The following PPEF1 variants were observed in gnomAD, a reference collection of about 807,000 sequenced individuals.
PPEF1 encodes protein phosphatase with EF-hand domain 1.
Under a neutral mutation model 53.3 loss-of-function variants are expected in PPEF1, and 12 were observed. That is an observed-to-expected ratio of 0.23 (90% CI 0.14 to 0.36). The LOEUF (loss-of-function observed/expected upper bound fraction) is 0.36. Among genes scored for constraint, PPEF1 ranks in the 10% least tolerant of loss-of-function variants. The pLI is 1.00. For missense variants in PPEF1, 334 were observed against 490.4 expected, an observed-to-expected ratio of 0.68 and a Z score of 3.01; for synonymous variants, 165 against 176.7, an observed-to-expected ratio of 0.93 and a Z score of 0.52.
chrX:18,763,596 A>G (rs1018815928), intron 6 of PPEF1, among the ~76,000 whole-genome samples: 1 of 111,075 alleles, frequency 9.0e-6, no homozygotes, highest in African/African-American at 3.3e-5. Flanking sequence ...TAAGCCATAC[A>G]ACCTCCATGA....
At chrX:18,767,900 G>C (rs972589879) in intron 6 of PPEF1, among the ~76,000 whole-genome samples, 1 of 111,395 alleles carries the variant, frequency 9.0e-6, no homozygotes, top group Non-Finnish European at 1.9e-5. Flanking sequence ...CAGATTACAG[G>C]AGGTGCATAA....
intron 6 of PPEF1, among the ~76,000 whole-genome samples, chrX:18,774,300 G>A (rs2045924657): frequency 8.9e-6 from 1 of 111,846 alleles, no homozygotes; most frequent in African/African-American, 3.2e-5. Context: ...TGTTGGTCAG[G>A]CTGGTCTCGA....
At chrX:18,691,712 A>T (rs1929395416) in intron 4 of PPEF1, 1 of 112,347 alleles carries the variant, frequency 8.9e-6, no homozygotes, top group Non-Finnish European at 1.9e-5. Context: ...CAAGATAAAG[A>T]AACAGATTGT....
At chrX:18,709,800 T>C (rs752935544) in intron 1 of PPEF1, among the ~76,000 whole-genome samples, 2 of 112,053 alleles carry the variant, frequency 1.8e-5, no homozygotes, top group Admixed American at 9.5e-5. Flanking sequence ...GCCCGACCTG[T>C]TTCAGCTTTT....
At chrX:18,764,567 C>T (rs1171000575) in intron 6 of PPEF1, among the ~76,000 whole-genome samples, 1 of 111,454 alleles carries the variant, frequency 9.0e-6, no homozygotes, top group Non-Finnish European at 1.9e-5. Context: ...ATTCTACTGG[C>T]CCCACTGGAG....
At chrX:18,775,378 C>T (rs932955751) in intron 6 of PPEF1, among the ~76,000 whole-genome samples, 1 of 109,403 alleles carries the variant, frequency 9.1e-6, no homozygotes. Flanking sequence ...TGCGTGCCAC[C>T]ACGCCTGGCT....
intron 3 of PPEF1, among the ~76,000 whole-genome samples, chrX:18,687,275 G>A (rs1929125373): frequency 9.0e-6 from 1 of 111,060 alleles, no homozygotes; most frequent in East Asian, 2.8e-4. Context: ...AACAAAACGG[G>A]GGTTTTATTA....
intron 9 of PPEF1, among the ~76,000 whole-genome samples, chrX:18,784,571 T>C (rs1157321443): frequency 9.1e-6 from 1 of 109,850 alleles, no homozygotes; most frequent in Non-Finnish European, 1.9e-5. Flanking sequence ...TCCCAGCCCC[T>C]GGCAACCACC....
At chrX:18,764,661 C>T (rs764396099) in intron 6 of PPEF1, among the ~76,000 whole-genome samples, 3 of 111,415 alleles carry the variant, frequency 2.7e-5, no homozygotes, top group African/African-American at 3.3e-5. Flanking sequence ...TTCAGAAGTG[C>T]GGTCCGGCTA....
Position 18,823,991 on chromosome X carries a change from T to A in PPEF1, c.1570T>A (p.Ser524Thr), listed in dbSNP as rs753323772. The change falls in exon 14 of 16, where the codon TCC becomes ACC. Residue 524 changes from serine (S) to threonine (T), a missense_variant. Ser to Thr is a moderately conservative substitution (Grantham distance 58, BLOSUM62 1). Coordinates refer to ENST00000470157, the MANE Select transcript of PPEF1 (RefSeq NM_001377996.1). ...TTTGGGGCTGAACTTACCATGGAGA[T>A]CCCTCAGTTCGAATCTGGTAAACAT... The part of the protein sequence containing the change: ...NILGLNLPWR[S>T]LSSNLVNIDQ... The A allele has an allele frequency of 9.9e-6, 12 of 1,208,030 alleles. No homozygotes were observed. Among genetic ancestry groups the A allele is most frequent in the Non-Finnish European group, 1.3e-5 (12 of 892,360 alleles).
At chrX:18,807,797 C>G (rs1196000277) in intron 12 of PPEF1, among the ~76,000 whole-genome samples, 1 of 109,710 alleles carries the variant, frequency 9.1e-6, no homozygotes, top group Non-Finnish European at 1.9e-5. Flanking sequence ...GTAGCTGGGA[C>G]TACGGGCATG....
intron 1 of PPEF1, among the ~76,000 whole-genome samples, chrX:18,722,942 T>C (rs2044619659): frequency 9.0e-6 from 1 of 111,149 alleles, no homozygotes; most frequent in Non-Finnish European, 1.9e-5. Flanking sequence ...TGCTCTAGGC[T>C]GTTGTGTTCG....
At chrX:18,681,188 A>G (rs1602333199), upstream of PPEF1, among the ~76,000 whole-genome samples, 1 of 112,098 alleles carries the variant, frequency 8.9e-6, no homozygotes, top group Non-Finnish European at 1.9e-5. Context: ...CATGTTGGCC[A>G]GGATGGTCTT....
rs1306688762 is a variant in PPEF1, at chrX:18,692,559, A to G, written c.-313+1465A>G. On this transcript the variant is annotated intron_variant, in intron 4 of 21. Transcript: ENST00000361511. ...AGACCTGTGGGGTTTGTTACATAAA[A>G]CCCTTTTACATTTGGCTCCTTCTTC... Among the ~76,000 whole-genome samples, 4 of 111,008 alleles carry G rather than the reference A, an allele frequency of 3.6e-5. 1 individual carries two copies. In the East Asian group the frequency reaches 1.1e-3, roughly 31 times the overall value.
rs968468987 is a variant in PPEF1, at chrX:18,713,987, G to T, written c.46+6161G>T. Reference sequence around the variant, plus strand: ...ATACTAATATAAATAACACTTTGAAGAATTTCTTTGTGCAAAGCCTTTTCC... The same window carrying T: ...ATACTAATATAAATAACACTTTGAATAATTTCTTTGTGCAAAGCCTTTTCC... On this transcript the variant is annotated intron_variant, in intron 1 of 15. Transcript: ENST00000470157. Among the ~76,000 whole-genome samples the T allele has an allele frequency of 5.4e-5, 6 of 111,464 alleles. No individual in the cohort carries two copies. In the South Asian group the frequency reaches 1.9e-3, roughly 34 times the overall value.
At chrX:18,723,122 T>A (rs1243453306) in intron 1 of PPEF1, among the ~76,000 whole-genome samples, 1 of 110,507 alleles carries the variant, frequency 9.0e-6, no homozygotes, top group African/African-American at 3.3e-5. Flanking sequence ...GTAGCTGGGA[T>A]TACAGGTGCC....
intron 10 of PPEF1, among the ~76,000 whole-genome samples, chrX:18,796,683 C>T (rs949043863): frequency 9.0e-6 from 1 of 111,645 alleles, no homozygotes; most frequent in Non-Finnish European, 1.9e-5. Context: ...AAAATATACC[C>T]TAATCAATGA....
rs1011216698 is a variant in PPEF1 at position 18,726,185 on chromosome X, C to T, written c.47-3996C>T. ...CCTGGCCAATATGGTGAAACCTTGT[C>T]TCTACAGAAAATACAAAAATTAGCT... On this transcript the variant is annotated intron_variant, in intron 1 of 15. Coordinates refer to ENST00000470157, the MANE Select transcript of PPEF1 (RefSeq NM_001377996.1). 4.5e-5 allele frequency among the ~76,000 whole-genome samples: 5 copies of T among 109,919 alleles called. No individual in the cohort carries two copies. In the South Asian group the frequency reaches 2.0e-3, roughly 43 times the overall value.
chrX:18,731,628 C>A (rs1403896392), intron 2 of PPEF1, among the ~76,000 whole-genome samples: 1 of 111,949 alleles, frequency 8.9e-6, no homozygotes, highest in Non-Finnish European at 1.9e-5. Flanking sequence ...ACATGCCATA[C>A]AATTCACCCA....
Sources: gnomAD v4.1 joint callset for allele counts (sites outside exome capture counted in the v4.1 genomes callset) on GRCh38, gnomAD v4.1.1 for gene constraint, MANE v1.5 for transcripts, NCBI Gene and HGNC (gene_info 2026-07-23, HGNC 2026-07-21) for gene names.